Variants in EED observed in about 807,000 individuals in gnomAD.
The protein encoded by EED is embryonic ectoderm development, also known as polycomb protein EED.
A neutral mutation model predicts 61.0 loss-of-function variants in EED; 9 were observed. That is an observed-to-expected ratio of 0.15 (90% CI 0.09 to 0.26). EED has a LOEUF of 0.26. Ranked by LOEUF, EED falls within the 10% of genes least tolerant of loss-of-function variation. The probability of loss-of-function intolerance (pLI) is 1.00; values close to 1 mark genes in which losing one functional copy is unlikely to be tolerated. For synonymous variants in EED, 187 were observed against 174.4 expected, an observed-to-expected ratio of 1.07 and a Z score of -0.57; for missense variants, 315 against 542.3, an observed-to-expected ratio of 0.58 and a Z score of 4.16.
intron 6 of EED, among the ~76,000 whole-genome samples, chr11:86,262,952 C>T (rs2138186521): frequency 6.6e-6 from 1 of 152,086 alleles, no homozygotes; most frequent in South Asian, 2.1e-4. Context: ...GCTAGAACTG[C>T]AGGTACACGC....
chr11:86,264,130 T>A (rs2138190669), intron 6 of EED, 42 bp from the exon 7 acceptor site: 1 of 1,488,444 alleles, frequency 6.7e-7, no homozygotes. Flanking sequence ...AAGTTCACAG[T>A]AAATAAAAAA....
intron 6 of EED, among the ~76,000 whole-genome samples, chr11:86,263,172 G>C (rs1296171297): frequency 6.6e-6 from 1 of 152,132 alleles, no homozygotes; most frequent in Non-Finnish European, 1.5e-5. Flanking sequence ...CACTGAATGA[G>C]ACCAACCTCA....
intron 6 of EED, among the ~76,000 whole-genome samples, chr11:86,262,730 C>G (rs894837087): frequency 2.6e-5 from 4 of 151,350 alleles, no homozygotes; most frequent in Admixed American, 6.6e-5. Flanking sequence ...AGGCTAGTCT[C>G]GAATTCCTGA....
intron 5 of EED, 106 bp downstream of exon 5, chr11:86,256,618 T>A (rs1344160563): frequency 8.5e-7 from 1 of 1,171,528 alleles, no homozygotes. Context: ...ACATTTCTCA[T>A]TTGATTTGTA....
chr11:86,263,307 A>G (rs931805866), intron 6 of EED, among the ~76,000 whole-genome samples: 2 of 152,112 alleles, frequency 1.3e-5, no homozygotes, highest in Non-Finnish European at 2.9e-5. Flanking sequence ...AATTACCCTC[A>G]ATGCTCCACT....
At chr11:86,274,083 C>T (rs979897113) in intron 9 of EED, among the ~76,000 whole-genome samples, 1 of 151,488 alleles carries the variant, frequency 6.6e-6, no homozygotes, top group Non-Finnish European at 1.5e-5. Flanking sequence ...TTGTTTGGTC[C>T]CTAGGACTGT....
chr11:86,250,578 G>A, intron 2 of EED, 130 bp downstream of exon 2: 1 of 890,182 alleles, frequency 1.1e-6, no homozygotes, highest in Admixed American at 4.5e-5. Flanking sequence ...TTTCTGAAGG[G>A]TTTTTTTTTT....
Position 86,277,806 on chromosome 11 carries a change from G to C in EED, c.1126-112G>C. ...ACCCAAAGAAATAGCCAAGAGCACA[G>C]AGGCTGGAACTGAGCTTTTTCTGAA... On this transcript the variant is annotated intron_variant, in intron 10 of 11. Transcript: ENST00000263360. 5 of 988,954 alleles carry C rather than the reference G, an allele frequency of 5.1e-6. No individual in the cohort carries two copies. The South Asian group carries it at 1.3e-4, about 25-fold the overall frequency. The allele number at this position is 988,954 out of a possible 1,614,324, so 61.3% of individuals were successfully genotyped here.
At chr11:86,283,267 T>TAA (rs1379499314), downstream of EED, among the ~76,000 whole-genome samples, 2 of 151,940 alleles carry the variant, frequency 1.3e-5, no homozygotes, top group Non-Finnish European at 2.9e-5. Flanking sequence ...GTTGAAACAA[T>TAA]AAAAAATAAA....
chr11:86,249,082 A>G (rs959463644), intron 1 of EED, among the ~76,000 whole-genome samples: 3 of 152,198 alleles, frequency 2.0e-5, no homozygotes, highest in East Asian at 1.9e-4. Flanking sequence ...TAGATAATGC[A>G]TAGTTTTCCA....
At chr11:86,280,150 G>A (rs1170548625), downstream of EED, among the ~76,000 whole-genome samples, 1 of 152,014 alleles carries the variant, frequency 6.6e-6, no homozygotes, top group Non-Finnish European at 1.5e-5. Context: ...GCAGTGGTGC[G>A]GTCTCAGACG....
chr11:86,252,558 G>T (rs1945561064), intron 3 of EED, among the ~76,000 whole-genome samples: 1 of 146,530 alleles, frequency 6.8e-6, no homozygotes, highest in Non-Finnish European at 1.5e-5. Context: ...AGTGATTTTG[G>T]TATTTATCAT....
chr11:86,281,221 G>A (rs1414968952), downstream of EED, among the ~76,000 whole-genome samples: 2 of 152,124 alleles, frequency 1.3e-5, no homozygotes, highest in Non-Finnish European at 2.9e-5. Flanking sequence ...AAGAATGTGA[G>A]GATTGGTATT....
At chr11:86,273,433 A>G (rs571674402) in intron 9 of EED, among the ~76,000 whole-genome samples, 97 of 152,352 alleles carry the variant, frequency 6.4e-4, no homozygotes, top group African/African-American at 2.3e-3. Flanking sequence ...TCAACCATCA[A>G]ACATAATTTA....
intron 9 of EED, among the ~76,000 whole-genome samples, 157 bp downstream of exon 9, chr11:86,268,718 C>T (rs572242873): frequency 1.3e-5 from 2 of 151,816 alleles, no homozygotes; most frequent in African/African-American, 4.8e-5. Context: ...TTTAAAGTCT[C>T]ATATTTTGAT....
intron 1 of EED, among the ~76,000 whole-genome samples, chr11:86,248,574 A>G (rs1282441540): frequency 6.6e-6 from 1 of 152,250 alleles, no homozygotes; most frequent in Non-Finnish European, 1.5e-5. Flanking sequence ...AAATCAAAAC[A>G]GTACAAATTT....
intron 1 of EED, 90 bp downstream of exon 1, chr11:86,245,433 T>C: frequency 1.3e-6 from 1 of 751,768 alleles, no homozygotes; most frequent in Non-Finnish European, 2.0e-6. Context: ...CGGGCTGCTG[T>C]GGGGGGAGGG....
At chr11:86,281,383 A>G (rs962165722), downstream of EED, among the ~76,000 whole-genome samples, 2 of 151,626 alleles carry the variant, frequency 1.3e-5, no homozygotes, top group Admixed American at 6.6e-5. Flanking sequence ...GGGTTTGTCA[A>G]TTTTGTTTAG....
chr11:86,273,349 A>G (rs1946160540), intron 9 of EED, among the ~76,000 whole-genome samples: 1 of 152,150 alleles, frequency 6.6e-6, no homozygotes, highest in African/African-American at 2.4e-5. Context: ...CCTTTACATC[A>G]CTTTATTCTT....
Sources: gnomAD v4.1 joint callset for allele counts (sites outside exome capture counted in the v4.1 genomes callset) on GRCh38, gnomAD v4.1.1 for gene constraint, MANE v1.5 for transcripts, NCBI Gene and HGNC (gene_info 2026-07-23, HGNC 2026-07-21) for gene names.